The following ATP6V0A2 variants were observed in gnomAD, a reference collection of about 807,000 sequenced individuals.
ATP6V0A2 encodes the protein ATPase H+ transporting V0 subunit a2, also known as V-type proton ATPase 116 kDa subunit a 2.
ATP6V0A2 carries 58 observed loss-of-function variants against 104.4 expected under a neutral mutation model. The observed-to-expected ratio is 0.56, with a 90% CI of 0.45 to 0.69. The LOEUF (loss-of-function observed/expected upper bound fraction) is 0.69, where lower values mean the gene tolerates loss of function less well. Among genes scored for constraint, ATP6V0A2 ranks in the 30% least tolerant of loss-of-function variants. The pLI is 0.00. For missense variants in ATP6V0A2, 938 were observed against 1,062.9 expected (o/e 0.88, Z 1.63); for synonymous variants, 376 against 397.9 (o/e 0.95, Z 0.65).
intron 9 of ATP6V0A2, 114 bp downstream of exon 9, chr12:123,737,385 TG>T (rs1446932330): frequency 2.0e-6 from 2 of 992,630 alleles, no homozygotes; most frequent in South Asian, 2.8e-5. Flanking sequence ...TGCAGTGTGT[TG>T]ACTCTTCTTT....
Position 123,724,656 on chromosome 12 carries a change from G to A in ATP6V0A2, c.297G>A (p.Glu99=), listed in dbSNP as rs777613164. 1 of 1,613,774 alleles carries A rather than the reference G, an allele frequency of 6.2e-7. No homozygotes were observed. The highest frequency in any genetic ancestry group is 8.5e-7 in the Non-Finnish European group (1 of 1,179,802). The change falls in exon 4 of 20, where the codon GAG becomes GAA. Residue 99 remains glutamate (E), a splice_region_variant and synonymous_variant. Transcript: ENST00000330342. ...PPLKQVLEMQ[E]QLQKLEVELR... ...AAGTAACCATTGTTTTGTTTTAGGA[G>A]CAGTTGCAGAAGCTCGAGGTTGAAC...
chr12:123,712,694 C>T lies in ATP6V0A2; in HGVS notation c.117+12C>T. ...TCCAGTTCCGAGACGTGAGTGTCGC[C>T]CGGGAGACGCGGGCCGCACCTGCTC... On this transcript the variant is annotated intron_variant, in intron 1 of 19. Transcript: ENST00000330342. 6.2e-7 allele frequency: 1 copy of T among 1,602,582 alleles called. No individual in the cohort carries two copies. The highest frequency in any genetic ancestry group is 1.1e-5 in the South Asian group (1 of 90,200).
In ATP6V0A2 at chr12:123,758,531, T is replaced by C. The variant is rs893063792; in HGVS notation, c.*499T>C. On this transcript the variant is annotated 3_prime_UTR_variant, in exon 20 of 20. Coordinates refer to ENST00000330342, the MANE Select transcript of ATP6V0A2 (RefSeq NM_012463.4). The stretch of plus-strand genomic sequence containing the variant: ...GGATTTAAAAATATGTACTTTTTTT[T>C]TTTTTTTGAGATGAAGTCTTGCTGT... The C allele has an allele frequency of 1.3e-5, 2 of 152,856 alleles. No individual in the cohort carries two copies. The highest frequency in any genetic ancestry group is 4.8e-5 in the African/African-American group (2 of 41,406). 9.5% of individuals were successfully genotyped at this position (152,856 alleles called of 1,614,324 possible).
chr12:123,722,477 A>G (rs1956409289), intron 3 of ATP6V0A2, 29 bp downstream of exon 3: 3 of 1,357,652 alleles, frequency 2.2e-6, no homozygotes, highest in Non-Finnish European at 3.2e-6. Context: ...AGCTGGTTGC[A>G]GCCATTGATC....
intron 17 of ATP6V0A2, 54 bp downstream of exon 17, chr12:123,752,456 AG>A: frequency 6.3e-7 from 1 of 1,598,110 alleles, no homozygotes; most frequent in South Asian, 1.1e-5. Context: ...AAGCTTCCAT[AG>A]AGATAATCAT....
Position 123,744,986 on chromosome 12 carries a change from G to A in ATP6V0A2, c.1605+14G>A, listed in dbSNP as rs1266041752. On this transcript the variant is annotated intron_variant, in intron 13 of 19. Transcript: ENST00000330342. This position sits in a 1 kb window ranked among gnomAD's most constrained non-coding sequence, Gnocchi z 5.4. Reference sequence around the variant, plus strand: ...GGCATTGATCCTGTGAGTGCACCACGCTCTGTCGTTGTCTCTGGATGCTCT... The same window carrying A: ...GGCATTGATCCTGTGAGTGCACCACACTCTGTCGTTGTCTCTGGATGCTCT... 6.8e-6 allele frequency: 11 copies of A among 1,612,140 alleles called. No individual in the cohort carries two copies. Among genetic ancestry groups the A allele is most frequent in the Admixed American group, 1.7e-5 (1 of 60,002 alleles).
At chr12:123,753,438 CT>C (rs1353077971) in intron 17 of ATP6V0A2, among the ~76,000 whole-genome samples, 8 of 152,228 alleles carry the variant, frequency 5.3e-5, no homozygotes, top group Admixed American at 2.6e-4. Context: ...CTGCTTTCCC[CT>C]GAGGCCTCCC....
Position 123,750,670 on chromosome 12 carries a change from G to A in ATP6V0A2, c.1936-440G>A, listed in dbSNP as rs114809836. 1,055 of 193,002 alleles carry A rather than the reference G, an allele frequency of 5.5e-3. 9 individuals carry two copies. The highest frequency in any genetic ancestry group is 0.023 in the African/African-American group (972 of 42,618). 12.0% of individuals were successfully genotyped at this position (193,002 alleles called of 1,614,324 possible). On this transcript the variant is annotated intron_variant, in intron 15 of 19. Coordinates refer to ENST00000330342, the MANE Select transcript of ATP6V0A2 (RefSeq NM_012463.4). ...GGTTTTGTTCTGAATTCTCTTCCAC[G>A]ATTTTCTGTGTGTGGAGGTAAATCC...
In ATP6V0A2 at chr12:123,744,529, C is replaced by A; in HGVS notation, c.1327-68C>A. 1 of 1,601,928 alleles carries A rather than the reference C, an allele frequency of 6.2e-7. No individual in the cohort carries two copies. The highest frequency in any genetic ancestry group is 8.5e-7 in the Non-Finnish European group (1 of 1,172,332). Reference sequence around the variant, plus strand: ...GAGAAGTGAGTGGTGAGGGTCGTGCCCACACCGACAGCTGTCACATGGACA... The same window carrying A: ...GAGAAGTGAGTGGTGAGGGTCGTGCACACACCGACAGCTGTCACATGGACA... On this transcript the variant is annotated intron_variant, in intron 11 of 19. Coordinates refer to ENST00000330342, the MANE Select transcript of ATP6V0A2 (RefSeq NM_012463.4). This position sits in a 1 kb window ranked among gnomAD's most constrained non-coding sequence, Gnocchi z 5.4.
At chr12:123,718,169 C>T (rs560035338) in intron 1 of ATP6V0A2, among the ~76,000 whole-genome samples, 2 of 151,924 alleles carry the variant, frequency 1.3e-5, no homozygotes, top group African/African-American at 4.8e-5. Context: ...TGGCTCACTG[C>T]AACCTCCGCC....
At position 123,723,134 on chromosome 12, in the gene ATP6V0A2, CTGTT is replaced by C. The variant is rs1237626573; in HGVS notation, c.294+692_294+695del. 2.0e-5 allele frequency: 3 copies of C among 152,310 alleles called. No individual in the cohort carries two copies. In the East Asian group the frequency reaches 5.8e-4, roughly 29 times the overall value. 9.4% of individuals were successfully genotyped at this position (152,310 alleles called of 1,614,324 possible). On this transcript the variant is annotated intron_variant, in intron 3 of 19. Coordinates refer to ENST00000330342, the MANE Select transcript of ATP6V0A2 (RefSeq NM_012463.4). ...TGAAGCCATTCAGTTGCGGGCTCCT[CTGTT>C]TGTTTATTCGGGAGGAAGTCTTTCA...
At chr12:123,713,452 C>T (rs2135872040) in intron 1 of ATP6V0A2, among the ~76,000 whole-genome samples, 1 of 152,292 alleles carries the variant, frequency 6.6e-6, no homozygotes, top group South Asian at 2.1e-4. Flanking sequence ...CCACCAAGGA[C>T]TGTCAACCTC....
chr12:123,720,768 T>C (rs756958431), intron 2 of ATP6V0A2, among the ~76,000 whole-genome samples: 12 of 152,126 alleles, frequency 7.9e-5, no homozygotes, highest in Non-Finnish European at 1.5e-4. Flanking sequence ...GTGGTGCACA[T>C]ACCTATAGTC....
At chr12:123,737,339 A>T (rs1956565512) in intron 9 of ATP6V0A2, 68 bp downstream of exon 9, 1 of 1,496,610 alleles carries the variant, frequency 6.7e-7, no homozygotes, top group African/African-American at 1.4e-5. Flanking sequence ...AATTCAGAGA[A>T]AAAAAGGAAG....
intron 7 of ATP6V0A2, among the ~76,000 whole-genome samples, chr12:123,735,142 C>CGTGAGTGT (rs1956538717): frequency 1.3e-5 from 2 of 148,392 alleles, no homozygotes; most frequent in African/African-American, 5.0e-5. Flanking sequence ...CTTTTGTTTT[C>CGTGAGTGT]GTGTGTGTGT....
At chr12:123,727,990 C>A in intron 6 of ATP6V0A2, 81 bp downstream of exon 6, 1 of 1,572,822 alleles carries the variant, frequency 6.4e-7, no homozygotes, top group Non-Finnish European at 8.7e-7. Context: ...ATGTTTTTCT[C>A]CTGAACCATT....
chr12:123,745,478 G>A (rs975821896), intron 13 of ATP6V0A2, among the ~76,000 whole-genome samples: 2 of 151,974 alleles, frequency 1.3e-5, no homozygotes, highest in Non-Finnish European at 2.9e-5. Flanking sequence ...AGGCCGAGGC[G>A]GGCAGATCAT....
At chr12:123,739,889 TG>T (rs1285524880) in intron 9 of ATP6V0A2, among the ~76,000 whole-genome samples, 10 of 152,242 alleles carry the variant, frequency 6.6e-5, no homozygotes, top group Non-Finnish European at 1.5e-4. Context: ...TTGTAATTCA[TG>T]TGGTTTTTTA....
intron 18 of ATP6V0A2, 34 bp from the exon 19 acceptor site, chr12:123,756,781 G>C (rs377601067): frequency 2.5e-6 from 4 of 1,612,074 alleles, no homozygotes; most frequent in Non-Finnish European, 3.4e-6. Context: ...GTACATAAGC[G>C]AGCATGACCT....
Sources: allele counts gnomAD v4.1 joint callset (sites outside exome capture counted in the v4.1 genomes callset), GRCh38; gene constraint gnomAD v4.1.1; non-coding constraint Gnocchi (gnomAD v3.1); transcripts MANE v1.5; gene names NCBI Gene and HGNC (gene_info 2026-07-23, HGNC 2026-07-21).